The following TMEM131 variants were observed in gnomAD, a reference collection of about 807,000 sequenced individuals.
The protein encoded by TMEM131 is transmembrane protein 131.
Under a neutral mutation model 211.6 loss-of-function variants are expected in TMEM131, and 66 were observed. The ratio of observed to expected loss-of-function variants is 0.31; its 90% confidence interval spans 0.26 to 0.38. The LOEUF (loss-of-function observed/expected upper bound fraction) is 0.38, where lower values mean the gene tolerates loss of function less well. TMEM131 is among the 10% of genes least tolerant of loss of function. The pLI is 1.00. For synonymous variants in TMEM131, 844 were observed against 841.3 expected (o/e 1.00, Z -0.06); for missense variants, 2,036 against 2,299.3 (o/e 0.89, Z 2.34).
chr2:97,879,655 T>C (rs149296800), intron 4 of TMEM131, among the ~76,000 whole-genome samples: 3 of 152,342 alleles, frequency 2.0e-5, no homozygotes, highest in Admixed American at 6.5e-5. Context: ...CTCCTCAGCC[T>C]ACTCAATGTG....
chr2:97,868,329 A>G (rs780691113), intron 4 of TMEM131, among the ~76,000 whole-genome samples: 4 of 152,044 alleles, frequency 2.6e-5, no homozygotes, highest in Non-Finnish European at 4.4e-5. Context: ...TATATAAAAT[A>G]TTGTCTATGT....
intron 19 of TMEM131, among the ~76,000 whole-genome samples, chr2:97,808,300 C>G (rs1573391792): frequency 6.6e-6 from 1 of 152,280 alleles, no homozygotes; most frequent in Admixed American, 6.5e-5. Context: ...GCTCAACTTG[C>G]ATACAGCATT....
intron 4 of TMEM131, among the ~76,000 whole-genome samples, chr2:97,885,150 G>A (rs1421279880): frequency 6.6e-6 from 1 of 152,108 alleles, no homozygotes; most frequent in Admixed American, 6.5e-5. Context: ...AGCATTTCTT[G>A]TAAGGCCAGT....
chr2:97,791,766 T>G (rs531659620), intron 31 of TMEM131, among the ~76,000 whole-genome samples: 7 of 152,140 alleles, frequency 4.6e-5, no homozygotes, highest in Admixed American at 1.3e-4. Flanking sequence ...TACTCAGAAA[T>G]AGGTAATTAA....
intron 1 of TMEM131, among the ~76,000 whole-genome samples, chr2:97,944,279 G>A (rs1444313961): frequency 6.6e-6 from 1 of 151,998 alleles, no homozygotes; most frequent in African/African-American, 2.4e-5. Context: ...TATCTGCTTG[G>A]AAAAGAATGA....
Position 97,796,318 on chromosome 2 carries a change from T to C in TMEM131, c.3100A>G (p.Ile1034Val). 1.3e-6 allele frequency: 2 copies of C among 1,556,502 alleles called. No homozygotes were observed. The highest frequency in any genetic ancestry group is 1.4e-5 in the African/African-American group (1 of 73,264). ...TCACATGAGTATCCACTGATTTCAA[T>C]GGTTTCTATGTGAATTTGAAGTTGT... ...TGQLQIHIET[I>V]EISGYSCEGY... The change falls in exon 28 of 41, where the codon ATT (isoleucine) becomes GTT (valine). Residue 1034 changes from isoleucine (I) to valine (V), a missense_variant. By Grantham distance (29) the Ile-to-Val change is conservative (BLOSUM62 3). This residue lies in a region of TMEM131 where 1,623 missense variants were observed against 1,805.9 expected (regional missense o/e 0.90). Transcript: ENST00000186436.
intron 4 of TMEM131, among the ~76,000 whole-genome samples, chr2:97,868,364 A>C (rs1286699434): frequency 6.6e-6 from 1 of 152,094 alleles, no homozygotes; most frequent in African/African-American, 2.4e-5. Context: ...ACACACACAC[A>C]TATATGTAGG....
At chr2:97,820,846 A>C (rs1682082251) in intron 11 of TMEM131, among the ~76,000 whole-genome samples, 1 of 148,880 alleles carries the variant, frequency 6.7e-6, no homozygotes. Context: ...ACAGAGTGAG[A>C]CTCCTTCTAA....
In TMEM131 at chr2:97,942,859, C is replaced by T. The variant is rs371074172; in HGVS notation, c.188-15372G>A. The stretch of plus-strand genomic sequence containing the variant: ...CAAAAAACAGGCTGGGCATGGGGAA[C>T]GGCTGTAATCCCAGCACTTTAGGAG... On this transcript the variant is annotated intron_variant, in intron 1 of 40. Transcript: ENST00000186436. Among the ~76,000 whole-genome samples the T allele has an allele frequency of 1.3e-4, 19 of 151,412 alleles. 1 individual carries two copies. The highest frequency in any genetic ancestry group is 4.4e-4 in the African/African-American group (18 of 41,256).
chr2:97,898,535 A>G (rs909355496), intron 3 of TMEM131, among the ~76,000 whole-genome samples: 26 of 152,288 alleles, frequency 1.7e-4, no homozygotes, highest in African/African-American at 5.8e-4. Context: ...CCATGCACAC[A>G]TGTGCACAAA....
At position 97,795,665 on chromosome 2, in the gene TMEM131, A is replaced by G. The variant is rs369960463; in HGVS notation, c.3201-550T>C. On this transcript the variant is annotated intron_variant, in intron 28 of 40. Transcript: ENST00000186436. ...GTAGCTACTTATTAAGTAAATATTCATTAAAGATCACTAAATTAAATATTC... is the reference window on the plus strand; with the variant it reads ...GTAGCTACTTATTAAGTAAATATTCGTTAAAGATCACTAAATTAAATATTC... 3.9e-5 allele frequency among the ~76,000 whole-genome samples: 6 copies of G among 152,360 alleles called. No individual in the cohort carries two copies. In the South Asian group the frequency reaches 6.2e-4, roughly 16 times the overall value.
At chr2:97,976,598 G>C (rs1186163264) in intron 1 of TMEM131, among the ~76,000 whole-genome samples, 1 of 152,078 alleles carries the variant, frequency 6.6e-6, no homozygotes, top group Non-Finnish European at 1.5e-5. Context: ...TTCATCTATA[G>C]ATTCAACACA....
intron 5 of TMEM131, among the ~76,000 whole-genome samples, chr2:97,848,483 G>GT (rs1479069683): frequency 6.6e-6 from 1 of 152,172 alleles, no homozygotes; most frequent in East Asian, 1.9e-4. Context: ...GGCTATGCAC[G>GT]TATCTCCTGG....
At chr2:97,934,647 T>G (rs1188325239) in intron 1 of TMEM131, among the ~76,000 whole-genome samples, 2 of 152,162 alleles carry the variant, frequency 1.3e-5, no homozygotes, top group Non-Finnish European at 2.9e-5. Context: ...GGCAGTGTGA[T>G]ATTGGCAGAG....
intron 4 of TMEM131, 44 bp from the exon 5 acceptor site, chr2:97,859,471 T>G (rs778291200): frequency 2.1e-6 from 3 of 1,452,464 alleles, no homozygotes; most frequent in Admixed American, 5.6e-5. Flanking sequence ...TCACAGATAA[T>G]TCTGATTATT....
chr2:97,919,618 C>T (rs1214353888), intron 2 of TMEM131, among the ~76,000 whole-genome samples: 4 of 152,004 alleles, frequency 2.6e-5, no homozygotes, highest in Non-Finnish European at 5.9e-5. Context: ...TTGCCCAGGC[C>T]GGAGTGCAAT....
intron 1 of TMEM131, among the ~76,000 whole-genome samples, chr2:97,939,535 A>G (rs1453379005): frequency 6.6e-6 from 1 of 152,240 alleles, no homozygotes; most frequent in Non-Finnish European, 1.5e-5. Flanking sequence ...AATAATTAAT[A>G]GCCTACAAAC....
intron 30 of TMEM131, 61 bp downstream of exon 30, chr2:97,793,334 T>G: frequency 6.7e-7 from 1 of 1,496,896 alleles, no homozygotes; most frequent in South Asian, 1.3e-5. Flanking sequence ...TATTTTTTAT[T>G]GTAATTTTAT....
intron 1 of TMEM131, among the ~76,000 whole-genome samples, chr2:97,979,459 A>G (rs1679691338): frequency 6.6e-6 from 1 of 152,196 alleles, no homozygotes; most frequent in Non-Finnish European, 1.5e-5. Flanking sequence ...ACGTTTATCA[A>G]TGATCTTAGC....
Sources: gnomAD v4.1 joint callset for allele counts (sites outside exome capture counted in the v4.1 genomes callset) on GRCh38, gnomAD v4.1.1 for gene constraint, gnomAD v4.1.1 regional missense constraint, MANE v1.5 for transcripts, NCBI Gene and HGNC (gene_info 2026-07-23, HGNC 2026-07-21) for gene names.